The following ZMIZ1 variants were observed in gnomAD, a reference collection of about 807,000 sequenced individuals.
ZMIZ1 encodes zinc finger MIZ domain-containing protein 1.
A neutral mutation model predicts 113.9 loss-of-function variants in ZMIZ1; 17 were observed. The ratio of observed to expected loss-of-function variants is 0.15; its 90% CI spans 0.10 to 0.22. ZMIZ1 has a LOEUF of 0.22. ZMIZ1 is among the 10% of genes least tolerant of loss of function. The probability of loss-of-function intolerance (pLI) is 1.00; values close to 1 mark genes in which losing one functional copy is unlikely to be tolerated. For missense variants in ZMIZ1, 1,059 were observed against 1,477.8 expected (o/e 0.72, Z 4.65); for synonymous variants, 607 against 603.1 (o/e 1.01, Z -0.09).
intron 7 of ZMIZ1, among the ~76,000 whole-genome samples, chr10:79,254,036 C>G (rs922973571): frequency 3.3e-5 from 5 of 152,214 alleles, no homozygotes; most frequent in Non-Finnish European, 5.9e-5. Flanking sequence ...TGTTGAGTAG[C>G]TATCACTTGT....
intron 4 of ZMIZ1, among the ~76,000 whole-genome samples, chr10:79,180,245 C>T (rs1847059968): frequency 6.6e-6 from 1 of 152,130 alleles, no homozygotes; most frequent in East Asian, 1.9e-4. Context: ...CCAAGCACAC[C>T]CGTGACCAGG....
intron 2 of ZMIZ1, among the ~76,000 whole-genome samples, chr10:79,121,806 A>G (rs1285376607): frequency 6.6e-6 from 1 of 152,104 alleles, no homozygotes; most frequent in Non-Finnish European, 1.5e-5. Flanking sequence ...AAAGAGGAGA[A>G]ATTTGCTAGG....
intron 1 of ZMIZ1, among the ~76,000 whole-genome samples, chr10:79,079,959 T>G (rs528321644): frequency 1.3e-5 from 2 of 152,320 alleles, no homozygotes; most frequent in South Asian, 4.1e-4. Context: ...GCACTTATAT[T>G]GAGGGGCACA....
intron 7 of ZMIZ1, among the ~76,000 whole-genome samples, chr10:79,265,453 C>T: frequency 6.7e-6 from 1 of 148,964 alleles, no homozygotes; most frequent in African/African-American, 2.5e-5. Flanking sequence ...GCAGACAACT[C>T]CTTTTTTTTC....
chr10:79,189,832 G>C (rs1847523190), intron 4 of ZMIZ1, among the ~76,000 whole-genome samples: 1 of 152,244 alleles, frequency 6.6e-6, no homozygotes, highest in African/African-American at 2.4e-5. Context: ...CGGATTGCCT[G>C]TGGGGTGTCC....
chr10:79,092,784 C>T (rs867333233), intron 1 of ZMIZ1, among the ~76,000 whole-genome samples: 1 of 152,148 alleles, frequency 6.6e-6, no homozygotes, highest in Non-Finnish European at 1.5e-5. Flanking sequence ...AAGTGATGCT[C>T]GTGGCTCTTT....
intron 4 of ZMIZ1, among the ~76,000 whole-genome samples, chr10:79,169,680 C>G (rs1034285516): frequency 2.0e-5 from 3 of 152,228 alleles, no homozygotes; most frequent in Admixed American, 6.5e-5. Flanking sequence ...CAGGGACAGA[C>G]AGTCCTGGGT....
chr10:79,253,242 G>A (rs1744688499), intron 7 of ZMIZ1, among the ~76,000 whole-genome samples: 1 of 152,230 alleles, frequency 6.6e-6, no homozygotes, highest in Admixed American at 6.5e-5. Flanking sequence ...TAAACATGCA[G>A]TTGAACATGC....
chr10:79,179,700 C>G (rs1847030699), intron 4 of ZMIZ1, among the ~76,000 whole-genome samples: 1 of 152,282 alleles, frequency 6.6e-6, no homozygotes, highest in African/African-American at 2.4e-5. Context: ...GAAAGCCCCT[C>G]TCTCTGCCCT....
intron 1 of ZMIZ1, among the ~76,000 whole-genome samples, chr10:79,086,774 T>C (rs1589255327): frequency 6.6e-6 from 1 of 152,252 alleles, no homozygotes; most frequent in African/African-American, 2.4e-5. Context: ...TTTATTTTTT[T>C]TAAAGATAAT....
intron 7 of ZMIZ1, among the ~76,000 whole-genome samples, chr10:79,234,671 C>G (rs779116191): frequency 6.6e-6 from 1 of 152,150 alleles, no homozygotes; most frequent in South Asian, 2.1e-4. Context: ...GAGAATGGAA[C>G]CATAGAGGGC....
At chr10:79,117,306 C>T (rs2132318123) in intron 1 of ZMIZ1, among the ~76,000 whole-genome samples, 1 of 152,394 alleles carries the variant, frequency 6.6e-6, no homozygotes, top group South Asian at 2.1e-4. Flanking sequence ...CTCCAGAGGA[C>T]CCCTGCCGTA....
At chr10:79,113,217 C>T (rs958789917) in intron 1 of ZMIZ1, among the ~76,000 whole-genome samples, 4 of 152,320 alleles carry the variant, frequency 2.6e-5, no homozygotes, top group Non-Finnish European at 4.4e-5. Context: ...GCTCTGGTGC[C>T]GAGGTCCTTG....
chr10:79,080,826 C>T (rs1424324719), intron 1 of ZMIZ1, among the ~76,000 whole-genome samples: 5 of 152,084 alleles, frequency 3.3e-5, no homozygotes, highest in Non-Finnish European at 7.4e-5. Flanking sequence ...CCTCAGAAGT[C>T]TTGGCGCCTT....
Position 79,136,794 on chromosome 10 carries a change from A to T in ZMIZ1, c.-226-2888A>T, listed in dbSNP as rs1845029815. Among the ~76,000 whole-genome samples the T allele has an allele frequency of 2.0e-5, 3 of 152,236 alleles. No homozygotes were observed. The South Asian group carries it at 6.2e-4, about 32-fold the overall frequency. On this transcript the variant is annotated intron_variant, in intron 2 of 24. Coordinates refer to ENST00000334512, the MANE Select transcript of ZMIZ1 (RefSeq NM_020338.4). ...AAGGTTAAATATCACTATCCATTTC[A>T]TCACTCTTATTATGATTAGAGGGAG...
chr10:79,229,228 T>C (rs1383691706), intron 7 of ZMIZ1, among the ~76,000 whole-genome samples: 1 of 152,250 alleles, frequency 6.6e-6, no homozygotes, highest in South Asian at 2.1e-4. Flanking sequence ...GTGGAAGCTC[T>C]GCAAGGTGGT....
At chr10:79,159,946 G>A (rs567244201) in intron 3 of ZMIZ1, among the ~76,000 whole-genome samples, 2 of 152,346 alleles carry the variant, frequency 1.3e-5, no homozygotes, top group South Asian at 4.1e-4. Context: ...CTGATGGCCC[G>A]ACGCCGTTTC....
chr10:79,220,195 G>A (rs1264078980), intron 7 of ZMIZ1, among the ~76,000 whole-genome samples: 4 of 152,156 alleles, frequency 2.6e-5, no homozygotes, highest in Non-Finnish European at 5.9e-5. Context: ...GATGCAGTGG[G>A]ACCCCCTAAT....
chr10:79,101,576 T>C (rs1843364845), intron 1 of ZMIZ1, among the ~76,000 whole-genome samples: 1 of 152,156 alleles, frequency 6.6e-6, no homozygotes, highest in Admixed American at 6.5e-5. Context: ...GTGTATCTTA[T>C]TGGCACGGCC....
Sources: allele counts gnomAD v4.1 joint callset (sites outside exome capture counted in the v4.1 genomes callset), GRCh38; gene constraint gnomAD v4.1.1; transcripts MANE v1.5; gene names NCBI Gene and HGNC (gene_info 2026-07-23, HGNC 2026-07-21).